DLEU7: variants seen among roughly 807,000 people sequenced by gnomAD.
The protein encoded by DLEU7 is leukemia-associated protein 7.
Under a neutral mutation model 16.0 loss-of-function variants are expected in DLEU7, and 17 were observed. The observed-to-expected ratio is 1.06, with a 90% CI of 0.73 to 1.59. The LOEUF is 1.59. Among genes scored for constraint, DLEU7 ranks in the 40% most tolerant of loss-of-function variants. The probability of loss-of-function intolerance (pLI) is 0.00; values close to 1 mark genes in which losing one functional copy is unlikely to be tolerated. For missense variants in DLEU7, 308 were observed against 314.9 expected (o/e 0.98, Z 0.17); for synonymous variants, 113 against 139.8 (o/e 0.81, Z 1.35).
chr13:50,794,644 A>T (rs962222894), intron 1 of DLEU7, among the ~76,000 whole-genome samples: 4 of 152,158 alleles, frequency 2.6e-5, no homozygotes, highest in African/African-American at 4.8e-5. Context: ...GTTGTAGTAG[A>T]TTTGTTCTCA....
chr13:50,726,810 G>A lies in DLEU7; in HGVS notation c.460-13570C>T, dbSNP rs1873774491. Among the ~76,000 whole-genome samples the A allele has an allele frequency of 6.6e-6, 1 of 152,086 alleles. No homozygotes were observed. The stretch of plus-strand genomic sequence containing the variant: ...TTCCTGGGCCTCAGGAAATGAAGAT[G>A]GAACCAGCTCCACTCATAACTGAGC... On this transcript the variant is annotated intron_variant, in intron 1 of 1. Transcript: ENST00000400393. This position sits in a 1 kb window ranked among gnomAD's most constrained non-coding sequence, Gnocchi z 4.0.
At chr13:50,797,106 C>A (rs937673513) in intron 1 of DLEU7, among the ~76,000 whole-genome samples, 6 of 152,094 alleles carry the variant, frequency 3.9e-5, no homozygotes, top group Admixed American at 3.9e-4. Context: ...AAGATCCGAA[C>A]GTGGAGTACA....
chr13:50,713,932 G>A (rs1035054849), intron 1 of DLEU7, among the ~76,000 whole-genome samples: 4 of 152,204 alleles, frequency 2.6e-5, no homozygotes, highest in African/African-American at 4.8e-5. Context: ...GTGGCCTCCC[G>A]GACCGGGCAG....
intron 1 of DLEU7, among the ~76,000 whole-genome samples, chr13:50,714,913 G>A (rs571704325): frequency 3.9e-5 from 6 of 152,312 alleles, no homozygotes; most frequent in African/African-American, 7.2e-5. Flanking sequence ...CAGTGGGCGC[G>A]GCTGGTGTGT....
chr13:50,767,349 G>C (rs994989927), intron 1 of DLEU7, among the ~76,000 whole-genome samples: 1 of 151,818 alleles, frequency 6.6e-6, no homozygotes, highest in African/African-American at 2.4e-5. Flanking sequence ...CCAGCTACGC[G>C]GGAGGCTGAG....
intron 1 of DLEU7, among the ~76,000 whole-genome samples, chr13:50,814,933 T>C (rs1876684899): frequency 6.6e-6 from 1 of 151,954 alleles, no homozygotes; most frequent in South Asian, 2.1e-4. Context: ...TCAGACTCCA[T>C]GTACTAGATT....
chr13:50,838,338 G>A (rs990739697), intron 1 of DLEU7, among the ~76,000 whole-genome samples: 4 of 152,160 alleles, frequency 2.6e-5, no homozygotes, highest in Non-Finnish European at 5.9e-5. Context: ...GTTAGCTTCC[G>A]CCACAATTTC....
chr13:50,815,143 A>T (rs1341564422), intron 1 of DLEU7, among the ~76,000 whole-genome samples: 1 of 152,052 alleles, frequency 6.6e-6, no homozygotes, highest in East Asian at 1.9e-4. Context: ...CCCGCCAAGA[A>T]CTCATTTTAT....
chr13:50,813,815 A>G (rs1319036297), intron 1 of DLEU7, among the ~76,000 whole-genome samples: 1 of 152,142 alleles, frequency 6.6e-6, no homozygotes, highest in African/African-American at 2.4e-5. Flanking sequence ...ATGCATTAGA[A>G]ACGTGAAAGG....
intron 1 of DLEU7, among the ~76,000 whole-genome samples, chr13:50,746,925 AATT>A (rs1211222701): frequency 3.3e-5 from 5 of 151,386 alleles, no homozygotes; most frequent in African/African-American, 1.2e-4. Context: ...ATTGTTATGT[AATT>A]ATTATAAGCA....
At chr13:50,811,379 C>T (rs1324380457) in intron 1 of DLEU7, among the ~76,000 whole-genome samples, 2 of 152,102 alleles carry the variant, frequency 1.3e-5, no homozygotes, top group South Asian at 2.1e-4. Flanking sequence ...AAGGAGTCCT[C>T]AGGCCTCCAG....
At chr13:50,753,087 T>A (rs183786256) in intron 1 of DLEU7, among the ~76,000 whole-genome samples, 2 of 144,052 alleles carry the variant, frequency 1.4e-5, no homozygotes, top group African/African-American at 5.5e-5. Flanking sequence ...AGAGTGTCGA[T>A]TGGTGCATTC....
intron 1 of DLEU7, among the ~76,000 whole-genome samples, chr13:50,785,880 A>G (rs958641382): frequency 6.6e-6 from 1 of 152,194 alleles, no homozygotes; most frequent in Non-Finnish European, 1.5e-5. Context: ...CCTTTATTCT[A>G]TACTCTCATT....
At chr13:50,740,715 C>A (rs1874229328) in intron 1 of DLEU7, among the ~76,000 whole-genome samples, 1 of 152,142 alleles carries the variant, frequency 6.6e-6, no homozygotes, top group Admixed American at 6.5e-5. Context: ...AAGCTCTCAA[C>A]TTAAGAACTT....
chr13:50,739,007 A>ACACACG (rs1874171084), intron 1 of DLEU7, among the ~76,000 whole-genome samples: 1 of 83,934 alleles, frequency 1.2e-5, no homozygotes, highest in Admixed American at 1.2e-4. Flanking sequence ...ACACACACGC[A>ACACACG]CACACACACA....
At chr13:50,827,086 T>C (rs1877109783) in intron 1 of DLEU7, among the ~76,000 whole-genome samples, 1 of 152,164 alleles carries the variant, frequency 6.6e-6, no homozygotes. Flanking sequence ...AAACACATGG[T>C]ATAAATCTAA....
intron 1 of DLEU7, among the ~76,000 whole-genome samples, chr13:50,724,465 C>T (rs1471362196): frequency 6.6e-6 from 1 of 151,968 alleles, no homozygotes; most frequent in Non-Finnish European, 1.5e-5. Context: ...GATGGAAGCA[C>T]ACAATATCAC....
chr13:50,792,492 T>C (rs1400976102), intron 1 of DLEU7, among the ~76,000 whole-genome samples: 1 of 151,924 alleles, frequency 6.6e-6, no homozygotes, highest in South Asian at 2.1e-4. Flanking sequence ...CAGATAGGAG[T>C]ATGCTGGGGG....
intron 1 of DLEU7, among the ~76,000 whole-genome samples, chr13:50,765,531 C>A (rs571464292): frequency 6.6e-6 from 1 of 151,882 alleles, no homozygotes; most frequent in South Asian, 2.1e-4. Context: ...CCAACTTGGT[C>A]CTCTTCTGGC....
Sources: allele counts gnomAD v4.1 joint callset (sites outside exome capture counted in the v4.1 genomes callset), GRCh38; gene constraint gnomAD v4.1.1; non-coding constraint Gnocchi (gnomAD v3.1); transcripts MANE v1.5; gene names NCBI Gene and HGNC (gene_info 2026-07-23, HGNC 2026-07-21).